The following JARID2 variants were observed in gnomAD, a reference collection of about 807,000 sequenced individuals.
The protein encoded by JARID2 is protein Jumonji.
A neutral mutation model predicts 125.6 loss-of-function variants in JARID2; 21 were observed. That is an observed-to-expected ratio of 0.17 (90% CI 0.12 to 0.24). JARID2 has a LOEUF of 0.24. Ranked by LOEUF, JARID2 falls within the 10% of genes least tolerant of loss-of-function variation. The pLI is 1.00. For missense variants in JARID2, 1,303 were observed against 1,639.6 expected, an observed-to-expected ratio of 0.79 and a Z score of 3.55; for synonymous variants, 736 against 661.6, an observed-to-expected ratio of 1.11 and a Z score of -1.73.
chr6:15,496,102 T>C (rs753081078), intron 6 of JARID2, 30 bp from the exon 7 acceptor site: 3 of 1,570,154 alleles, frequency 1.9e-6, no homozygotes, highest in Non-Finnish European at 1.7e-6. Context: ...TTCTGCGTTT[T>C]TTTCCACCTC....
chr6:15,316,538 C>G (rs1209357540), intron 1 of JARID2, among the ~76,000 whole-genome samples: 2 of 151,976 alleles, frequency 1.3e-5, no homozygotes, highest in African/African-American at 4.8e-5. Context: ...TTGGACTGTT[C>G]TTGCTATTTT....
chr6:15,392,109 A>G (rs561267558), intron 2 of JARID2, among the ~76,000 whole-genome samples: 2 of 149,662 alleles, frequency 1.3e-5, no homozygotes, highest in Non-Finnish European at 2.9e-5. Context: ...TGTGAGTCCA[A>G]CTTGGCCTAG....
intron 2 of JARID2, among the ~76,000 whole-genome samples, chr6:15,408,120 T>C (rs1171478974): frequency 1.3e-5 from 2 of 151,950 alleles, no homozygotes; most frequent in Non-Finnish European, 2.9e-5. Flanking sequence ...AAGGATTAGC[T>C]GGGCATGGTG....
In JARID2 at chr6:15,496,519, C is replaced by CAGCTGCGGGAGG; in HGVS notation, c.1295_1306dup (p.Glu435_Gly436insGluLeuArgGlu). 1 of 1,605,906 alleles carries CAGCTGCGGGAGG rather than the reference C, an allele frequency of 6.2e-7. No individual in the cohort carries two copies. Among genetic ancestry groups the CAGCTGCGGGAGG allele is most frequent in the Non-Finnish European group, 8.5e-7 (1 of 1,176,798 alleles). On this transcript the variant is annotated inframe_insertion, in exon 7 of 18. Transcript: ENST00000341776. ...GGGGCGGCAGCTGCGGGAGGGCCTG[C>CAGCTGCGGGAGG]AGCTGCGGGAGGGGCTGCGGAACTC...
Position 15,475,140 on chromosome 6 carries a change from C to T in JARID2, c.670+6422C>T, listed in dbSNP as rs560009935. Among the ~76,000 whole-genome samples, 22 of 152,236 alleles carry T rather than the reference C, an allele frequency of 1.4e-4. No individual in the cohort carries two copies. In the East Asian group the frequency reaches 3.5e-3, roughly 24 times the overall value. On this transcript the variant is annotated intron_variant, in intron 5 of 17. Transcript: ENST00000341776. The stretch of plus-strand genomic sequence containing the variant: ...GGTCCATTTCTCTGTAAGTTTAGAG[C>T]GGAATTCCTAGAAATTTCTTATAAT...
At chr6:15,473,214 T>A (rs957959611) in intron 5 of JARID2, among the ~76,000 whole-genome samples, 9 of 152,190 alleles carry the variant, frequency 5.9e-5, no homozygotes, top group Non-Finnish European at 1.2e-4. Flanking sequence ...TGGAGTTACC[T>A]TTTCTCTCCT....
At chr6:15,423,502 G>A (rs749249826) in intron 3 of JARID2, among the ~76,000 whole-genome samples, 2 of 152,206 alleles carry the variant, frequency 1.3e-5, no homozygotes, top group Non-Finnish European at 2.9e-5. Context: ...TGTGGGGCAA[G>A]TTGTTCCTGA....
chr6:15,318,892 T>C (rs1762262280), intron 1 of JARID2, among the ~76,000 whole-genome samples: 1 of 152,230 alleles, frequency 6.6e-6, no homozygotes, highest in Admixed American at 6.5e-5. Flanking sequence ...ACAGCCATAA[T>C]GGCTTGTCCA....
chr6:15,313,202 G>C (rs1286370458), intron 1 of JARID2, among the ~76,000 whole-genome samples: 1 of 152,102 alleles, frequency 6.6e-6, no homozygotes, highest in Non-Finnish European at 1.5e-5. Flanking sequence ...ACTTAGAATA[G>C]CAAGGAGCCA....
At chr6:15,251,225 T>C (rs76537144) in intron 1 of JARID2, among the ~76,000 whole-genome samples, 11,682 of 152,222 alleles carry the variant, frequency 0.077, 477 homozygotes, top group Admixed American at 0.12. Context: ...CATATTGGCC[T>C]AGCTGGTCTT....
intron 17 of JARID2, among the ~76,000 whole-genome samples, chr6:15,518,042 A>T (rs1771649685): frequency 1.3e-5 from 2 of 152,198 alleles, no homozygotes; most frequent in African/African-American, 4.8e-5. Context: ...GAGCTAAATG[A>T]TCGGAGAGCT....
chr6:15,272,208 C>A (rs1760324875), intron 1 of JARID2, among the ~76,000 whole-genome samples: 1 of 152,240 alleles, frequency 6.6e-6, no homozygotes, highest in Admixed American at 6.5e-5. Context: ...GAAAATGCAT[C>A]TTTTGGCCCC....
intron 1 of JARID2, among the ~76,000 whole-genome samples, chr6:15,327,747 A>G (rs1251324016): frequency 6.6e-6 from 1 of 152,214 alleles, no homozygotes; most frequent in Non-Finnish European, 1.5e-5. Context: ...CTTTATAAAA[A>G]GAATAAATTC....
chr6:15,415,021 C>T (rs574831290), intron 3 of JARID2, among the ~76,000 whole-genome samples: 27 of 152,274 alleles, frequency 1.8e-4, no homozygotes, highest in African/African-American at 6.3e-4. Flanking sequence ...TGACTCTTAA[C>T]GAGCATGCTG....
chr6:15,502,151 G>C lies in JARID2; in HGVS notation c.2448+742G>C, dbSNP rs554134545. Among the ~76,000 whole-genome samples the C allele has an allele frequency of 7.2e-5, 11 of 152,330 alleles. No individual in the cohort carries two copies. The South Asian group carries it at 1.2e-3, about 17-fold the overall frequency. ...TGCAGCGTTTCCCTGTCTCCGCCAG[G>C]TCTCCCGGCAGCACACTCATCCTGA... On this transcript the variant is annotated intron_variant, in intron 8 of 17. Coordinates refer to ENST00000341776, the MANE Select transcript of JARID2 (RefSeq NM_004973.4).
intron 5 of JARID2, among the ~76,000 whole-genome samples, chr6:15,483,991 A>G (rs931810700): frequency 1.3e-5 from 2 of 152,138 alleles, no homozygotes; most frequent in Admixed American, 1.3e-4. Flanking sequence ...CATTTCCCTT[A>G]TAGTTAACCT....
intron 3 of JARID2, among the ~76,000 whole-genome samples, chr6:15,434,083 C>T (rs767258201): frequency 2.0e-5 from 3 of 151,864 alleles, no homozygotes; most frequent in East Asian, 1.9e-4. Flanking sequence ...GGAATCTGCC[C>T]GTAAAACACA....
chr6:15,456,287 C>T (rs567638170), intron 4 of JARID2, among the ~76,000 whole-genome samples: 1 of 152,136 alleles, frequency 6.6e-6, no homozygotes, highest in Non-Finnish European at 1.5e-5. Flanking sequence ...AAGTAAGTAC[C>T]TGGCTTTGAA....
intron 1 of JARID2, among the ~76,000 whole-genome samples, chr6:15,371,211 A>G (rs1056641879): frequency 3.9e-5 from 6 of 152,190 alleles, no homozygotes; most frequent in South Asian, 4.1e-4. Flanking sequence ...TTAATTAGAC[A>G]TTAGTTGTAG....
Sources: allele counts gnomAD v4.1 joint callset (sites outside exome capture counted in the v4.1 genomes callset), GRCh38; gene constraint gnomAD v4.1.1; transcripts MANE v1.5; gene names NCBI Gene and HGNC (gene_info 2026-07-23, HGNC 2026-07-21).